PTPRO: variants seen among roughly 807,000 people sequenced by gnomAD.
PTPRO encodes the protein receptor-type tyrosine-protein phosphatase O.
Under a neutral mutation model 145.2 loss-of-function variants are expected in PTPRO, and 62 were observed. The ratio of observed to expected loss-of-function variants is 0.43; its 90% CI spans 0.35 to 0.53. The LOEUF (loss-of-function observed/expected upper bound fraction) is 0.53, where lower values mean the gene tolerates loss of function less well. Among genes scored for constraint, PTPRO ranks in the 20% least tolerant of loss-of-function variants. The probability of loss-of-function intolerance (pLI) is 0.01; values close to 1 mark genes in which losing one functional copy is unlikely to be tolerated. For missense variants in PTPRO, 1,345 were observed against 1,482.7 expected (o/e 0.91, Z 1.53); for synonymous variants, 565 against 514.7 (o/e 1.10, Z -1.32).
chr12:15,373,185 A>C (rs1166889873), intron 1 of PTPRO, among the ~76,000 whole-genome samples: 1 of 152,210 alleles, frequency 6.6e-6, no homozygotes, highest in Non-Finnish European at 1.5e-5. Flanking sequence ...TAGGGGCTTT[A>C]CAGAAACAAA....
At chr12:15,385,895 T>C (rs1051778380) in intron 1 of PTPRO, among the ~76,000 whole-genome samples, 1 of 149,924 alleles carries the variant, frequency 6.7e-6, no homozygotes, top group African/African-American at 2.5e-5. Flanking sequence ...AAAAAAGAGA[T>C]ATAGAGATAA....
intron 9 of PTPRO, among the ~76,000 whole-genome samples, chr12:15,517,774 T>C (rs1241245792): frequency 6.6e-6 from 1 of 152,210 alleles, no homozygotes; most frequent in East Asian, 1.9e-4. Flanking sequence ...ATCCAGGTCA[T>C]GCTGATGCAA....
At chr12:15,452,407 T>C (rs774380517) in intron 1 of PTPRO, among the ~76,000 whole-genome samples, 7 of 152,088 alleles carry the variant, frequency 4.6e-5, no homozygotes, top group Admixed American at 4.6e-4. Flanking sequence ...GTGAATTCTA[T>C]CAGTCTTTCA....
chr12:15,377,233 A>C (rs1486452041), intron 1 of PTPRO, among the ~76,000 whole-genome samples: 3 of 152,144 alleles, frequency 2.0e-5, no homozygotes, highest in African/African-American at 7.2e-5. Flanking sequence ...AAAACGGTAC[A>C]CTAGAAAATA....
chr12:15,496,128 T>A (rs558411779), intron 2 of PTPRO, among the ~76,000 whole-genome samples: 1 of 142,498 alleles, frequency 7.0e-6, no homozygotes, highest in Non-Finnish European at 1.5e-5. Context: ...TGTTCATTTT[T>A]CTTTTCTTTT....
At chr12:15,499,754 T>A (rs147524676) in intron 4 of PTPRO, among the ~76,000 whole-genome samples, 160 bp downstream of exon 4, 3 of 152,312 alleles carry the variant, frequency 2.0e-5, no homozygotes, top group Non-Finnish European at 4.4e-5. Context: ...TAAAAAGAAC[T>A]GGGCAAAATA....
rs1045288545 is a variant in PTPRO, at chr12:15,596,241, G to A, written c.*168G>A. 3.3e-5 allele frequency: 5 copies of A among 152,572 alleles called. No homozygotes were observed. Among genetic ancestry groups the A allele is most frequent in the African/African-American group, 1.2e-4 (5 of 41,418 alleles). 9.5% of individuals were successfully genotyped at this position (152,572 alleles called of 1,614,324 possible). ...AGCACCGGGAAGACTTAGCCTTAAAGAGCCTACAGTGTCCTTTTGGACTCT... is the reference window on the plus strand; with the variant it reads ...AGCACCGGGAAGACTTAGCCTTAAAAAGCCTACAGTGTCCTTTTGGACTCT... On this transcript the variant is annotated 3_prime_UTR_variant, in exon 27 of 27. Transcript: ENST00000281171.
At chr12:15,393,225 AT>A in intron 1 of PTPRO, among the ~76,000 whole-genome samples, 1 of 152,264 alleles carries the variant, frequency 6.6e-6, no homozygotes, top group Non-Finnish European at 1.5e-5. Flanking sequence ...GAAAAAAAAA[AT>A]CACACCAACA....
chr12:15,410,303 G>A (rs1939763886), intron 1 of PTPRO: 1 of 152,196 alleles, frequency 6.6e-6, no homozygotes, highest in South Asian at 2.1e-4. Context: ...GATGTTTCCA[G>A]GAGAGATAAG....
At chr12:15,544,589 A>T (rs1022056527) in intron 12 of PTPRO, among the ~76,000 whole-genome samples, 1 of 151,966 alleles carries the variant, frequency 6.6e-6, no homozygotes, top group African/African-American at 2.4e-5. Context: ...GAAATAAGGG[A>T]AGAGCCTCAG....
intron 24 of PTPRO, among the ~76,000 whole-genome samples, chr12:15,588,692 C>T (rs1944481178): frequency 6.6e-6 from 1 of 152,012 alleles, no homozygotes; most frequent in Non-Finnish European, 1.5e-5. Context: ...CTCTGTGGTC[C>T]CAGACCTAGA....
chr12:15,596,103 G>A lies in PTPRO; in HGVS notation c.*30G>A, dbSNP rs1944654497. ...TCTCATTCACAGGAGAGGACATGATGTGCGCCCATCCTCCCTTGCTTCCAG... is the reference window on the plus strand; with the variant it reads ...TCTCATTCACAGGAGAGGACATGATATGCGCCCATCCTCCCTTGCTTCCAG... On this transcript the variant is annotated 3_prime_UTR_variant, in exon 27 of 27. Coordinates refer to ENST00000281171, the MANE Select transcript of PTPRO (RefSeq NM_030667.3). The A allele has an allele frequency of 6.6e-6, 1 of 152,216 alleles. No individual in the cohort carries two copies. The highest frequency in any genetic ancestry group is 2.4e-5 in the African/African-American group (1 of 41,410). 9.4% of individuals were successfully genotyped at this position (152,216 alleles called of 1,614,324 possible).
chr12:15,526,082 G>A, intron 11 of PTPRO, 60 bp from the exon 12 acceptor site: 1 of 1,606,266 alleles, frequency 6.2e-7, no homozygotes, highest in Non-Finnish European at 8.5e-7. Flanking sequence ...TTAGTTGTTT[G>A]GGGTGGTGCA....
At chr12:15,551,731 T>A in intron 15 of PTPRO, 60 bp downstream of exon 15, 1 of 1,574,802 alleles carries the variant, frequency 6.3e-7, no homozygotes, top group South Asian at 1.1e-5. Flanking sequence ...ATCTGCCATA[T>A]ATATATTGTT....
At chr12:15,502,620 T>G (rs1942244954) in intron 5 of PTPRO, among the ~76,000 whole-genome samples, 1 of 152,208 alleles carries the variant, frequency 6.6e-6, no homozygotes, top group South Asian at 2.1e-4. Flanking sequence ...AATACACAGC[T>G]GCTGACATTT....
At chr12:15,589,311 G>A (rs1944494332) in intron 24 of PTPRO, 144 bp from the exon 25 acceptor site, 5 of 1,070,426 alleles carry the variant, frequency 4.7e-6, no homozygotes, top group Non-Finnish European at 7.1e-6. Flanking sequence ...GAGAGGCAGA[G>A]GTTGCAGTGA....
rs773765307 is a variant in PTPRO at position 15,501,763 on chromosome 12, G to A, written c.805G>A (p.Glu269Lys). ...IGKEKLFHFT[E>K]ETPEIPSGNI... ...AAAAGAAAAACTCTTCCATTTTACA[G>A]AAGAAACCCCTGAAATTCCCTCGGG... Residue 269 changes from glutamate to lysine, a missense_variant, in exon 5 of 27, where the codon GAA (glutamate) becomes AAA (lysine). By Grantham distance (56) the Glu-to-Lys change is moderately conservative. Around this residue, in one of 3 missense-constraint regions of PTPRO, gnomAD observed 1,130 missense variants for 1,214.7 expected, o/e 0.93. Coordinates refer to ENST00000281171, the MANE Select transcript of PTPRO (RefSeq NM_030667.3). 30 of 1,613,946 alleles carry A rather than the reference G, an allele frequency of 1.9e-5. No homozygotes were observed. The Admixed American group carries it at 3.8e-4, about 21-fold the overall frequency.
intron 9 of PTPRO, among the ~76,000 whole-genome samples, chr12:15,519,099 G>A (rs1173914885): frequency 6.6e-6 from 1 of 152,214 alleles, no homozygotes; most frequent in Admixed American, 6.5e-5. Context: ...TGGGCTTACA[G>A]TTCCACGTGG....
intron 26 of PTPRO, chr12:15,595,349 G>A (rs1357430491): frequency 7.9e-6 from 3 of 379,154 alleles, no homozygotes; most frequent in African/African-American, 4.1e-5. Context: ...TTCTGTTATT[G>A]GATCTGTGCC....
Sources: gnomAD v4.1 joint callset for allele counts (sites outside exome capture counted in the v4.1 genomes callset) on GRCh38, gnomAD v4.1.1 for gene constraint, gnomAD v4.1.1 regional missense constraint, MANE v1.5 for transcripts, NCBI Gene and HGNC (gene_info 2026-07-23, HGNC 2026-07-21) for gene names.